The following PCDHGB6 variants were observed in gnomAD, a reference collection of about 807,000 sequenced individuals.
PCDHGB6 encodes protocadherin gamma-B6.
Under a neutral mutation model 59.1 loss-of-function variants are expected in PCDHGB6, and 51 were observed. The observed-to-expected ratio is 0.86, with a 90% CI of 0.69 to 1.09. The LOEUF (loss-of-function observed/expected upper bound fraction) is 1.09, where lower values mean the gene tolerates loss of function less well. Ranked by LOEUF, PCDHGB6 falls within the 50% of genes least tolerant of loss-of-function variation. The pLI, the probability that PCDHGB6 is intolerant of heterozygous loss-of-function variation, is 0.00. For synonymous variants in PCDHGB6, 466 were observed against 495.1 expected, an observed-to-expected ratio of 0.94 and a Z score of 0.78; for missense variants, 1,148 against 1,205.1, an observed-to-expected ratio of 0.95 and a Z score of 0.70.
In PCDHGB6 at chr5:141,467,461, A is replaced by G. The variant is rs1330947379; in HGVS notation, c.2419-27346A>G. ...ATTACTTTTTTCTTCCAGTGCTAGT[A>G]CTTGCATGGTTTTTGGTTTCCACAT... On this transcript the variant is annotated intron_variant, in intron 1 of 3. Coordinates refer to ENST00000520790, the MANE Select transcript of PCDHGB6 (RefSeq NM_018926.3). 2.6e-5 allele frequency among the ~76,000 whole-genome samples: 4 copies of G among 152,158 alleles called. No homozygotes were observed. The South Asian group carries it at 8.3e-4, about 31-fold the overall frequency.
chr5:141,419,275 G>A, intron 1 of PCDHGB6: 26 of 1,613,974 alleles, frequency 1.6e-5, no homozygotes, highest in Non-Finnish European at 2.2e-5. Flanking sequence ...CCTCCATAGC[G>A]CAAGTCAGTG....
chr5:141,510,854 T>A, intron 3 of PCDHGB6, 93 bp from the exon 4 acceptor site: 1 of 1,602,320 alleles, frequency 6.2e-7, no homozygotes, highest in East Asian at 2.2e-5. Context: ...CCCAGGGTGC[T>A]GTATAGGCAT....
rs764389909 is a variant in PCDHGB6, at chr5:141,491,064, ACTGTTG to A, written c.2419-3741_2419-3736del. On this transcript the variant is annotated intron_variant, in intron 1 of 3. Transcript: ENST00000520790. The surrounding 1 kb of genome is among the most constrained non-coding windows in gnomAD (Gnocchi z 6.9). ...GCCACAATGCGTGGCTCTCCTACTCACTGTTGCCACAGTCCACAGCCCCAGGACTGT... is the reference window on the plus strand; with the variant it reads ...GCCACAATGCGTGGCTCTCCTACTCACCACAGTCCACAGCCCCAGGACTGT... 1.2e-6 allele frequency: 2 copies of A among 1,613,962 alleles called. No homozygotes were observed. Among genetic ancestry groups the A allele is most frequent in the Admixed American group, 3.3e-5 (2 of 60,010 alleles).
chr5:141,495,810 C>T (rs1003475681), intron 2 of PCDHGB6, among the ~76,000 whole-genome samples: 1 of 152,088 alleles, frequency 6.6e-6, no homozygotes, highest in Non-Finnish European at 1.5e-5. Context: ...CGTTTCCTAG[C>T]GCCTTGTGTT....
intron 1 of PCDHGB6, among the ~76,000 whole-genome samples, chr5:141,492,854 G>A (rs1361942466): frequency 6.6e-6 from 1 of 152,212 alleles, no homozygotes; most frequent in Non-Finnish European, 1.5e-5. Flanking sequence ...AAAGCCTCGA[G>A]CGCCCTGGCT....
rs189767695 is a variant in PCDHGB6, at chr5:141,497,247, T to C, written c.2477+2382T>C. Among the ~76,000 whole-genome samples the C allele has an allele frequency of 2.0e-5, 3 of 151,456 alleles. No individual in the cohort carries two copies. The East Asian group carries it at 5.8e-4, about 29-fold the overall frequency. ...ATCAGAGAAGGCTTCTAGGAGGAGGTGACATTGAGAAGTTCTAGGCCATTT... is the reference window on the plus strand; with the variant it reads ...ATCAGAGAAGGCTTCTAGGAGGAGGCGACATTGAGAAGTTCTAGGCCATTT... On this transcript the variant is annotated intron_variant, in intron 2 of 3. Transcript: ENST00000520790.
chr5:141,491,119 G>A lies in PCDHGB6; in HGVS notation c.2419-3688G>A. 6.2e-7 allele frequency: 1 copy of A among 1,614,216 alleles called. No individual in the cohort carries two copies. The highest frequency in any genetic ancestry group is 1.1e-5 in the South Asian group (1 of 91,086). ...GTTCCTCGTGTCTACACACACTGGT[G>A]AGGTGCGCACAGCCCGGGCCTTACT... On this transcript the variant is annotated intron_variant, in intron 1 of 3. Transcript: ENST00000520790. The surrounding 1 kb of genome is among the most constrained non-coding windows in gnomAD (Gnocchi z 6.9).
chr5:141,492,908 A>G (rs1595151443), intron 1 of PCDHGB6, among the ~76,000 whole-genome samples: 2 of 152,302 alleles, frequency 1.3e-5, no homozygotes, highest in African/African-American at 4.8e-5. Context: ...TCGTGATCAC[A>G]ATGTGCCCAG....
chr5:141,485,134 C>G lies in PCDHGB6; in HGVS notation c.2419-9673C>G, dbSNP rs967744072. 1.3e-6 allele frequency: 2 copies of G among 1,495,962 alleles called. No individual in the cohort carries two copies. Among genetic ancestry groups the G allele is most frequent in the South Asian group, 2.4e-5 (2 of 84,482 alleles). 92.7% of individuals were successfully genotyped at this position (1,495,962 alleles called of 1,614,324 possible). ...CTGTTTGGGGCGGGTCGGCTTCATC[C>G]GCGTCTCAGGAGCAAGTAGAGAATT... On this transcript the variant is annotated intron_variant, in intron 1 of 3. Transcript: ENST00000520790. The surrounding 1 kb of genome is among the most constrained non-coding windows in gnomAD (Gnocchi z 5.7).
chr5:141,435,853 T>C (rs1034164236), intron 1 of PCDHGB6, among the ~76,000 whole-genome samples: 1 of 152,110 alleles, frequency 6.6e-6, no homozygotes, highest in African/African-American at 2.4e-5. Context: ...AAAGATACAA[T>C]AGTTAAAACC....
chr5:141,421,634 A>G (rs771759412), intron 1 of PCDHGB6: 12 of 1,613,714 alleles, frequency 7.4e-6, no homozygotes, highest in South Asian at 1.1e-5. Context: ...AGCTTCCAGG[A>G]GGACGAAGTG....
intron 1 of PCDHGB6, among the ~76,000 whole-genome samples, chr5:141,453,261 A>G (rs1387512741): frequency 6.6e-6 from 1 of 152,028 alleles, no homozygotes; most frequent in Non-Finnish European, 1.5e-5. Context: ...CTGCAAGTGC[A>G]CACCACCATG....
chr5:141,478,672 A>G (rs1216792401), intron 1 of PCDHGB6: 22 of 1,551,540 alleles, frequency 1.4e-5, no homozygotes, highest in Admixed American at 2.0e-5. Flanking sequence ...CACACTTTCA[A>G]CTGGCCCTTC....
rs201412037 is a variant in PCDHGB6, at chr5:141,421,093, A to G, written c.2418+10473A>G. The G allele has an allele frequency of 3.5e-5, 23 of 665,630 alleles. No homozygotes were observed. In the East Asian group the frequency reaches 6.2e-4, roughly 18 times the overall value. 41.2% of individuals were successfully genotyped at this position (665,630 alleles called of 1,614,324 possible). On this transcript the variant is annotated intron_variant, in intron 1 of 3. Coordinates refer to ENST00000520790, the MANE Select transcript of PCDHGB6 (RefSeq NM_018926.3). ...GAGATGGATACTCACAGATCCTGAC[A>G]CTGGAGACTTAGAAGTATTTTCCTT... is the stretch of plus-strand genomic sequence containing the variant.
At chr5:141,499,689 CT>C (rs545067566) in intron 2 of PCDHGB6, among the ~76,000 whole-genome samples, 4,434 of 119,828 alleles carry the variant, frequency 0.037, 46 homozygotes, top group African/African-American at 0.083. Context: ...TAACAGATGA[CT>C]TTTTTTTTTT....
intron 1 of PCDHGB6, among the ~76,000 whole-genome samples, chr5:141,439,259 G>A (rs1172204848): frequency 6.6e-6 from 1 of 151,900 alleles, no homozygotes; most frequent in African/African-American, 2.4e-5. Context: ...TGAAGATTCA[G>A]CCAACAGTTC....
In PCDHGB6 at chr5:141,512,839, C is replaced by T. The variant is rs141207714; in HGVS notation, c.*1666C>T. ...GACCCCCTCCCCCGTACTGACTTCTCCTATAAGCGCTTCTCTTCGCATAGT... is the reference window on the plus strand; with the variant it reads ...GACCCCCTCCCCCGTACTGACTTCTTCTATAAGCGCTTCTCTTCGCATAGT... On this transcript the variant is annotated 3_prime_UTR_variant, in exon 4 of 4. Transcript: ENST00000520790. 278 of 152,216 alleles carry T rather than the reference C, an allele frequency of 1.8e-3. 2 individuals are homozygous for T. Among genetic ancestry groups the T allele is most frequent in the Middle Eastern group, 0.01 (3 of 292 alleles). 9.4% of individuals were successfully genotyped at this position (152,216 alleles called of 1,614,324 possible). A position where few individuals can be genotyped will look rare whatever the true frequency, so the allele number is the denominator to read the frequency against.
intron 1 of PCDHGB6, chr5:141,471,515 T>C (rs931181988): frequency 2.6e-5 from 4 of 152,276 alleles, no homozygotes; most frequent in African/African-American, 9.6e-5. Context: ...GGAGTAAAAA[T>C]AACAGCGAGG....
rs1302496204 is a variant in PCDHGB6, at chr5:141,413,214, T to A, written c.2418+2594T>A. On this transcript the variant is annotated intron_variant, in intron 1 of 3. Coordinates refer to ENST00000520790, the MANE Select transcript of PCDHGB6 (RefSeq NM_018926.3). ...GGAATCGCTCAAAGGAATCAAAGGA[T>A]TGCAGCGGGCTGGTCCTGCTCTGCC... 6 of 1,613,176 alleles carry A rather than the reference T, an allele frequency of 3.7e-6. No homozygotes were observed. The African/African-American group carries it at 8.0e-5, about 22-fold the overall frequency.
Sources: allele counts gnomAD v4.1 joint callset (sites outside exome capture counted in the v4.1 genomes callset), GRCh38; gene constraint gnomAD v4.1.1; non-coding constraint Gnocchi (gnomAD v3.1); transcripts MANE v1.5; gene names NCBI Gene and HGNC (gene_info 2026-07-23, HGNC 2026-07-21).